ANXA10: variants seen among roughly 807,000 people sequenced by gnomAD.
ANXA10 encodes annexin 14.
Under a neutral mutation model 53.5 loss-of-function variants are expected in ANXA10, and 49 were observed. The ratio of observed to expected loss-of-function variants is 0.92; its 90% CI spans 0.73 to 1.16. The LOEUF (loss-of-function observed/expected upper bound fraction) is 1.16, where lower values mean the gene tolerates loss of function less well. Ranked by LOEUF, ANXA10 falls within the 50% of genes most tolerant of loss-of-function variation. ANXA10 has a pLI of 0.00. For synonymous variants in ANXA10, 131 were observed against 128.9 expected, an observed-to-expected ratio of 1.02 and a Z score of -0.11; for missense variants, 393 against 394.4, an observed-to-expected ratio of 1.00 and a Z score of 0.03.
At chr4:168,100,192 A>G (rs567665884) in intron 1 of ANXA10, among the ~76,000 whole-genome samples, 3 of 152,108 alleles carry the variant, frequency 2.0e-5, no homozygotes, top group Admixed American at 6.6e-5. Context: ...CATGTTTTTA[A>G]TCTAGATTTT....
chr4:168,172,583 T>C (rs2149479350), intron 6 of ANXA10, among the ~76,000 whole-genome samples: 1 of 152,306 alleles, frequency 6.6e-6, no homozygotes, highest in Non-Finnish European at 1.5e-5. Context: ...TTTTAGATAA[T>C]TGGGAATTAT....
chr4:168,148,875 T>A (rs1182718484), intron 3 of ANXA10, among the ~76,000 whole-genome samples: 1 of 152,190 alleles, frequency 6.6e-6, no homozygotes, highest in Non-Finnish European at 1.5e-5. Context: ...TATTTCCTCA[T>A]TGTTAGATAT....
At chr4:168,115,497 GCACACACACACACACA>G (rs67627035) in intron 1 of ANXA10, among the ~76,000 whole-genome samples, 187 of 136,524 alleles carry the variant, frequency 1.4e-3, no homozygotes, top group Non-Finnish European at 2.2e-3. Flanking sequence ...CAATACACAC[GCACACACACACACACA>G]CACACACACA....
In ANXA10 at chr4:168,177,710, T is replaced by C. The variant is rs200945247; in HGVS notation, c.481-30T>C. On this transcript the variant is annotated intron_variant, in intron 6 of 11. Coordinates refer to ENST00000359299, the MANE Select transcript of ANXA10 (RefSeq NM_007193.5). ...AATATGAGTTGCTGACTAAGAACAT[T>C]TACATGGAAAACCTGTGCTTACTTT... 7 of 1,612,086 alleles carry C rather than the reference T, an allele frequency of 4.3e-6. No individual in the cohort carries two copies. The African/African-American group carries it at 6.7e-5, about 15-fold the overall frequency.
chr4:168,143,227 C>T (rs186840243), intron 3 of ANXA10, among the ~76,000 whole-genome samples: 6 of 152,276 alleles, frequency 3.9e-5, no homozygotes, highest in Admixed American at 3.9e-4. Context: ...CTTCTTCCAC[C>T]TGGCCAAGGT....
At chr4:168,145,657 C>G (rs779694597) in intron 3 of ANXA10, among the ~76,000 whole-genome samples, 1 of 152,188 alleles carries the variant, frequency 6.6e-6, no homozygotes, top group Non-Finnish European at 1.5e-5. Flanking sequence ...TAGAAAAGGT[C>G]AGAGTGAAAT....
At chr4:168,167,212 A>ACAGT (rs2149478108) in intron 6 of ANXA10, among the ~76,000 whole-genome samples, 1 of 152,236 alleles carries the variant, frequency 6.6e-6, no homozygotes, top group East Asian at 1.9e-4. Flanking sequence ...TGGAGAACAG[A>ACAGT]CAGTCCTCAG....
At chr4:168,123,248 G>C (rs1293066406) in intron 1 of ANXA10, among the ~76,000 whole-genome samples, 2 of 151,052 alleles carry the variant, frequency 1.3e-5, no homozygotes, top group Non-Finnish European at 2.9e-5. Flanking sequence ...CGTTGTTGAA[G>C]AAATCAGAGC....
intron 1 of ANXA10, among the ~76,000 whole-genome samples, chr4:168,121,055 A>G (rs1336028895): frequency 6.6e-6 from 1 of 152,118 alleles, no homozygotes; most frequent in Non-Finnish European, 1.5e-5. Context: ...TTAAAAAGCA[A>G]TTCTATCTTT....
At chr4:168,172,026 C>G (rs1235907916) in intron 6 of ANXA10, among the ~76,000 whole-genome samples, 3 of 152,294 alleles carry the variant, frequency 2.0e-5, no homozygotes, top group Admixed American at 6.5e-5. Flanking sequence ...TTCATCGCCT[C>G]CAAATATTTT....
chr4:168,135,981 A>G (rs372343570), intron 2 of ANXA10, among the ~76,000 whole-genome samples: 8 of 152,156 alleles, frequency 5.3e-5, no homozygotes, highest in Admixed American at 2.6e-4. Context: ...ACTTACAATC[A>G]TGGCAGAAGG....
chr4:168,101,235 C>T lies in ANXA10; in HGVS notation c.18+8517C>T, dbSNP rs114854764. Among the ~76,000 whole-genome samples the T allele has an allele frequency of 7.6e-3, 1,159 of 152,046 alleles. 1 individual carries two copies. The highest frequency in any genetic ancestry group is 0.013 in the Non-Finnish European group (854 of 67,960). Reference sequence around the variant, plus strand: ...CTGGCTGTATGATGTGCTGGCTGCCCCTTTGCCCTCCTCCATGATTGTAAG... The same window carrying T: ...CTGGCTGTATGATGTGCTGGCTGCCTCTTTGCCCTCCTCCATGATTGTAAG... On this transcript the variant is annotated intron_variant, in intron 1 of 11. Transcript: ENST00000359299.
At chr4:168,141,072 G>GTACT (rs1475426402) in intron 3 of ANXA10, among the ~76,000 whole-genome samples, 1 of 152,092 alleles carries the variant, frequency 6.6e-6, no homozygotes, top group African/African-American at 2.4e-5. Flanking sequence ...TTAAAATGAA[G>GTACT]TACTTACACT....
intron 3 of ANXA10, among the ~76,000 whole-genome samples, chr4:168,150,678 T>C (rs1731481285): frequency 6.6e-6 from 1 of 152,142 alleles, no homozygotes; most frequent in Non-Finnish European, 1.5e-5. Flanking sequence ...GCTTCATACC[T>C]CTCCACAGGA....
intron 3 of ANXA10, among the ~76,000 whole-genome samples, chr4:168,156,236 A>G (rs1731670096): frequency 8.0e-5 from 2 of 25,044 alleles, no homozygotes; most frequent in African/African-American, 2.8e-4. Flanking sequence ...ATTATATTAT[A>G]TATAATAGTA....
intron 3 of ANXA10, among the ~76,000 whole-genome samples, chr4:168,140,606 TATAAGAA>T (rs1432091414): frequency 6.6e-6 from 1 of 150,386 alleles, no homozygotes; most frequent in East Asian, 1.9e-4. Flanking sequence ...TGCATAGTGC[TATAAGAA>T]ATGTCTTTTT....
At chr4:168,129,934 C>T (rs1731131963) in intron 2 of ANXA10, among the ~76,000 whole-genome samples, 1 of 152,048 alleles carries the variant, frequency 6.6e-6, no homozygotes, top group African/African-American at 2.4e-5. Flanking sequence ...CTAGGTCAGC[C>T]CTGTGAGATC....
intron 3 of ANXA10, among the ~76,000 whole-genome samples, chr4:168,140,618 CTT>C (rs35945870): frequency 4.0e-4 from 59 of 147,080 alleles, no homozygotes; most frequent in Middle Eastern, 3.5e-3. Context: ...TAAGAAATGT[CTT>C]TTTTTTTTTT....
chr4:168,155,761 T>C (rs1180297117), intron 3 of ANXA10, among the ~76,000 whole-genome samples: 1 of 20,926 alleles, frequency 4.8e-5, no homozygotes, highest in Admixed American at 8.8e-4. Context: ...TATTATATAA[T>C]ATATGATATA....
Sources: allele counts gnomAD v4.1 joint callset (sites outside exome capture counted in the v4.1 genomes callset), GRCh38; gene constraint gnomAD v4.1.1; transcripts MANE v1.5; gene names NCBI Gene and HGNC (gene_info 2026-07-23, HGNC 2026-07-21).